Variants in SAMD5 observed in about 807,000 individuals in gnomAD.
SAMD5 encodes the protein sterile alpha motif domain-containing protein 5.
A neutral mutation model predicts 11.3 loss-of-function variants in SAMD5; 13 were observed. The observed-to-expected ratio is 1.15, with a 90% CI of 0.75 to 1.83. The LOEUF (loss-of-function observed/expected upper bound fraction) is 1.83, where lower values mean the gene tolerates loss of function less well. SAMD5 is among the 40% of genes most tolerant of loss of function. The pLI is 0.00. For missense variants in SAMD5, 255 were observed against 239.1 expected, an observed-to-expected ratio of 1.07 and a Z score of -0.44; for synonymous variants, 129 against 111.3, an observed-to-expected ratio of 1.16 and a Z score of -1.00.
At chr6:147,745,765 GTTTC>G in the SAMD5 span, among the ~76,000 whole-genome samples, 1 of 148,524 alleles carries the variant, frequency 6.7e-6, no homozygotes, top group Non-Finnish European at 1.5e-5. Context: ...CTCTGGGAAG[GTTTC>G]TTTCTTTCTT....
chr6:147,584,033 G>GA (rs1264099881), intron 1 of SAMD5, among the ~76,000 whole-genome samples: 6 of 151,868 alleles, frequency 4.0e-5, no homozygotes, highest in Admixed American at 1.3e-4. Context: ...TATGATTTTA[G>GA]AAAAAAATAT....
the SAMD5 span, among the ~76,000 whole-genome samples, chr6:147,864,101 C>T: frequency 6.6e-6 from 1 of 152,060 alleles, no homozygotes; most frequent in Admixed American, 6.6e-5. Context: ...TTCGGTCTCC[C>T]AAAGTGCTGG....
chr6:147,552,776 T>C (rs898028945), intron 1 of SAMD5, among the ~76,000 whole-genome samples: 4 of 152,216 alleles, frequency 2.6e-5, no homozygotes, highest in Non-Finnish European at 5.9e-5. Context: ...AAGAGGTCTT[T>C]ATGCTTTAAC....
At position 147,568,484 on chromosome 6, in the gene SAMD5, G is replaced by A; in HGVS notation, c.*4028G>A. 1 of 985,362 alleles carries A rather than the reference G, an allele frequency of 1.0e-6. No homozygotes were observed. Among genetic ancestry groups the A allele is most frequent in the Non-Finnish European group, 1.2e-6 (1 of 829,888 alleles). 61.0% of individuals were successfully genotyped at this position (985,362 alleles called of 1,614,324 possible). A position where few individuals can be genotyped will look rare whatever the true frequency, so the allele number is the denominator to read the frequency against. ...AGTTCTGAATTTCAAGGCAAATAAG[G>A]CATGAAGGGTGGAACATTGCATCTA... On this transcript the variant is annotated 3_prime_UTR_variant, in exon 2 of 2. Transcript: ENST00000367474.
the SAMD5 span, among the ~76,000 whole-genome samples, chr6:147,767,101 T>A: frequency 1.3e-5 from 2 of 152,240 alleles, no homozygotes; most frequent in East Asian, 1.9e-4. Context: ...AAAGTTGTTA[T>A]GTAACTATAC....
At chr6:147,546,938 T>C (rs907013769) in intron 1 of SAMD5, among the ~76,000 whole-genome samples, 1 of 152,182 alleles carries the variant, frequency 6.6e-6, no homozygotes, top group African/African-American at 2.4e-5. Flanking sequence ...ACTCTGCCTC[T>C]TTCTTTCTTT....
At chr6:147,544,642 C>G (rs1343346900) in intron 1 of SAMD5, among the ~76,000 whole-genome samples, 1 of 152,128 alleles carries the variant, frequency 6.6e-6, no homozygotes, top group Non-Finnish European at 1.5e-5. Context: ...GTAGTCAGCT[C>G]TGATGGGTGG....
chr6:147,825,173 C>G, the SAMD5 span, among the ~76,000 whole-genome samples: 33 of 151,998 alleles, frequency 2.2e-4, no homozygotes, highest in African/African-American at 8.0e-4. Flanking sequence ...TGGTGCATGC[C>G]TGTAATCCTA....
chr6:147,678,216 A>G (rs1346762508), intron 1 of SAMD5, among the ~76,000 whole-genome samples: 1 of 152,080 alleles, frequency 6.6e-6, no homozygotes. Context: ...TTAACATAAC[A>G]TTGTTAGCAT....
At chr6:147,869,037 C>T in the SAMD5 span, among the ~76,000 whole-genome samples, 1 of 152,198 alleles carries the variant, frequency 6.6e-6, no homozygotes, top group Non-Finnish European at 1.5e-5. Flanking sequence ...GATGGCTTTG[C>T]ACTGGGTAGC....
the SAMD5 span, among the ~76,000 whole-genome samples, chr6:147,929,988 C>T: frequency 6.6e-6 from 1 of 152,176 alleles, no homozygotes; most frequent in Admixed American, 6.5e-5. Flanking sequence ...CACTCTCCTA[C>T]ACACTGTAGA....
intron 1 of SAMD5, among the ~76,000 whole-genome samples, chr6:147,656,899 C>CGTGTGT (rs55906300): frequency 0.19 from 28,535 of 149,024 alleles, 3,283 homozygotes; most frequent in Middle Eastern, 0.29. Context: ...ATACAGTATA[C>CGTGTGT]GTGTGTGTGT....
At chr6:147,539,922 A>G (rs1446823989) in intron 1 of SAMD5, among the ~76,000 whole-genome samples, 2 of 152,152 alleles carry the variant, frequency 1.3e-5, no homozygotes, top group African/African-American at 4.8e-5. Context: ...AGCAGCCAAT[A>G]TTTTTGGCTT....
the SAMD5 span, among the ~76,000 whole-genome samples, chr6:147,922,929 G>T: frequency 6.6e-6 from 1 of 152,230 alleles, no homozygotes; most frequent in Non-Finnish European, 1.5e-5. Context: ...ACATCTTCAA[G>T]TGTAAACACA....
chr6:147,586,798 A>G (rs1283597290), intron 1 of SAMD5, among the ~76,000 whole-genome samples: 1 of 152,064 alleles, frequency 6.6e-6, no homozygotes, highest in African/African-American at 2.4e-5. Context: ...AAAACTCCAA[A>G]TGAGGAAATC....
rs949297293 is a variant in SAMD5, at chr6:147,565,413, G to GAGTTTTT, written c.*958_*964dup. On this transcript the variant is annotated 3_prime_UTR_variant, in exon 2 of 2. Transcript: ENST00000367474. ...GGGGGAGGAAATTAACAGGAATCTA[G>GAGTTTTT]AGTTTTTCTAATTCTTATCGTCTTA... is the stretch of plus-strand genomic sequence containing the variant. The GAGTTTTT allele has an allele frequency of 4.1e-6, 4 of 985,306 alleles. No homozygotes were observed. The highest frequency in any genetic ancestry group is 3.6e-6 in the Non-Finnish European group (3 of 829,714). The allele number at this position is 985,306 out of a possible 1,614,324, so 61.0% of individuals were successfully genotyped here. A position where few individuals can be genotyped will look rare whatever the true frequency, so the allele number is the denominator to read the frequency against.
the SAMD5 span, among the ~76,000 whole-genome samples, chr6:147,770,000 T>C: frequency 6.6e-6 from 1 of 152,312 alleles, no homozygotes; most frequent in East Asian, 1.9e-4. Flanking sequence ...CCGTAAGCTG[T>C]AGAACTGATG....
intron 1 of SAMD5, among the ~76,000 whole-genome samples, chr6:147,602,416 T>C (rs932762556): frequency 2.6e-5 from 4 of 152,190 alleles, no homozygotes; most frequent in African/African-American, 9.6e-5. Flanking sequence ...ATGTTTGAAG[T>C]GATCCTTGTG....
chr6:147,741,583 G>A (rs959345771), downstream of SAMD5: 1 of 152,244 alleles, frequency 6.6e-6, no homozygotes, highest in African/African-American at 2.4e-5. Context: ...AATGACGAGT[G>A]TGTTTGCTGT....
Sources: gnomAD v4.1 joint callset for allele counts (sites outside exome capture counted in the v4.1 genomes callset) on GRCh38, gnomAD v4.1.1 for gene constraint, MANE v1.5 for transcripts, NCBI Gene and HGNC (gene_info 2026-07-23, HGNC 2026-07-21) for gene names.